The following KCNIP4 variants were observed in gnomAD, a reference collection of about 807,000 sequenced individuals.
KCNIP4 encodes the protein potassium voltage-gated channel interacting protein 4, also known as Kv channel-interacting protein 4.
A neutral mutation model predicts 34.0 loss-of-function variants in KCNIP4; 12 were observed. The ratio of observed to expected loss-of-function variants is 0.35; its 90% CI spans 0.23 to 0.57. The LOEUF (loss-of-function observed/expected upper bound fraction) is 0.57. Ranked by LOEUF, KCNIP4 falls within the 20% of genes least tolerant of loss-of-function variation. The pLI, the probability that KCNIP4 is intolerant of heterozygous loss-of-function variation, is 0.83. For synonymous variants in KCNIP4, 124 were observed against 102.2 expected, an observed-to-expected ratio of 1.21 and a Z score of -1.29; for missense variants, 238 against 311.7, an observed-to-expected ratio of 0.76 and a Z score of 1.78.
At chr4:21,894,421 A>G (rs567288712) in intron 1 of KCNIP4, among the ~76,000 whole-genome samples, 102 of 152,294 alleles carry the variant, frequency 6.7e-4, no homozygotes, top group African/African-American at 2.4e-3. Flanking sequence ...AAACTTGCTT[A>G]TAGTTAATTA....
chr4:21,366,121 A>G (rs1204372483), intron 1 of KCNIP4, among the ~76,000 whole-genome samples: 3 of 152,138 alleles, frequency 2.0e-5, no homozygotes, highest in African/African-American at 7.2e-5. Flanking sequence ...ACGTAGTGAC[A>G]ATTTCTCCTA....
intron 1 of KCNIP4, among the ~76,000 whole-genome samples, chr4:21,359,650 C>T (rs183645526): frequency 6.6e-6 from 1 of 152,130 alleles, no homozygotes; most frequent in African/African-American, 2.4e-5. Context: ...TAAGGTAGTT[C>T]CATTCTCTTA....
intron 1 of KCNIP4, among the ~76,000 whole-genome samples, chr4:20,915,185 G>C (rs1198719990): frequency 6.6e-6 from 1 of 152,038 alleles, no homozygotes; most frequent in Non-Finnish European, 1.5e-5. Flanking sequence ...TTTCTCTTAC[G>C]TACTCCAGGA....
At chr4:21,778,222 TCC>T (rs1560707619) in intron 1 of KCNIP4, among the ~76,000 whole-genome samples, 4 of 132,124 alleles carry the variant, frequency 3.0e-5, no homozygotes, top group Non-Finnish European at 4.6e-5. Flanking sequence ...TTTCCTTTTT[TCC>T]TTTTTTTTTT....
chr4:21,058,546 T>C lies in KCNIP4; in HGVS notation c.62-175837A>G, dbSNP rs546025480. On this transcript the variant is annotated intron_variant, in intron 1 of 8. Transcript: ENST00000382152. ...TTCACCTGTAAAATGGGGATAATTA[T>C]GGTCCCTAAATCATAGACACTGGAG... Among the ~76,000 whole-genome samples, 102 of 152,240 alleles carry C rather than the reference T, an allele frequency of 6.7e-4. 1 individual carries two copies. Among genetic ancestry groups the C allele is most frequent in the African/African-American group, 2.3e-3 (96 of 41,538 alleles).
chr4:21,625,931 A>G (rs1292954985), intron 1 of KCNIP4, among the ~76,000 whole-genome samples: 1 of 152,180 alleles, frequency 6.6e-6, no homozygotes, highest in Non-Finnish European at 1.5e-5. Flanking sequence ...TGGTTTAGAC[A>G]GCAAAAGCCT....
chr4:21,457,850 A>C (rs1252017366), intron 1 of KCNIP4, among the ~76,000 whole-genome samples: 1 of 152,052 alleles, frequency 6.6e-6, no homozygotes, highest in Non-Finnish European at 1.5e-5. Flanking sequence ...CATTCTCTGA[A>C]CCACATATAG....
intron 3 of KCNIP4, among the ~76,000 whole-genome samples, chr4:20,790,126 C>A (rs904899197): frequency 6.6e-6 from 1 of 152,104 alleles, no homozygotes; most frequent in Non-Finnish European, 1.5e-5. Context: ...ACTTGTACTG[C>A]ATGTAACTGT....
chr4:21,692,722 T>G (rs987545463), intron 1 of KCNIP4, among the ~76,000 whole-genome samples: 5 of 151,034 alleles, frequency 3.3e-5, no homozygotes, highest in African/African-American at 9.7e-5. Context: ...AAAAAATAAA[T>G]CAGCAATAGC....
chr4:21,099,849 G>A (rs1398729299), intron 1 of KCNIP4, among the ~76,000 whole-genome samples: 2 of 152,058 alleles, frequency 1.3e-5, no homozygotes, highest in African/African-American at 2.4e-5. Flanking sequence ...ACTTTGAAGG[G>A]TTCAATAGTT....
intron 1 of KCNIP4, among the ~76,000 whole-genome samples, chr4:21,912,302 G>T (rs1411234569): frequency 6.6e-6 from 1 of 152,156 alleles, no homozygotes; most frequent in Non-Finnish European, 1.5e-5. Flanking sequence ...TCTGACTGAT[G>T]TTTTTAGCAG....
At chr4:21,049,014 G>C (rs1183432980) in intron 1 of KCNIP4, among the ~76,000 whole-genome samples, 1 of 141,992 alleles carries the variant, frequency 7.0e-6, no homozygotes, top group East Asian at 2.1e-4. Context: ...GCAGTGGCGC[G>C]ATCTCGGCTC....
chr4:21,418,221 C>A (rs1049384315), intron 1 of KCNIP4, among the ~76,000 whole-genome samples: 4 of 152,172 alleles, frequency 2.6e-5, no homozygotes, highest in Non-Finnish European at 5.9e-5. Context: ...GATCATGGAT[C>A]AGACTATTTA....
intron 1 of KCNIP4, among the ~76,000 whole-genome samples, chr4:21,079,988 A>C (rs1484835021): frequency 6.6e-6 from 1 of 151,908 alleles, no homozygotes; most frequent in Non-Finnish European, 1.5e-5. Context: ...AACCCATTTC[A>C]TATTTCTGAA....
intron 1 of KCNIP4, among the ~76,000 whole-genome samples, chr4:20,999,375 T>C (rs1203938753): frequency 6.6e-6 from 1 of 151,010 alleles, no homozygotes; most frequent in Non-Finnish European, 1.5e-5. Flanking sequence ...ACGAAGGGTC[T>C]TTAGAGCACC....
At chr4:21,190,853 T>G (rs73109405) in intron 1 of KCNIP4, among the ~76,000 whole-genome samples, 18,458 of 152,128 alleles carry the variant, frequency 0.12, 3,604 homozygotes, top group African/African-American at 0.41. Context: ...TCTGACACTC[T>G]GCTCCCAGCT....
intron 3 of KCNIP4, among the ~76,000 whole-genome samples, chr4:20,794,180 G>A (rs1289676170): frequency 6.6e-6 from 1 of 152,114 alleles, no homozygotes; most frequent in Non-Finnish European, 1.5e-5. Flanking sequence ...CCAGTCTCGG[G>A]TATATCTTTA....
chr4:21,151,622 A>G (rs766243121), intron 1 of KCNIP4, among the ~76,000 whole-genome samples: 1 of 151,972 alleles, frequency 6.6e-6, no homozygotes, highest in African/African-American at 2.4e-5. Flanking sequence ...GAGCCCATCT[A>G]AAACAAATTA....
chr4:20,795,988 A>G (rs1480022524), intron 3 of KCNIP4, among the ~76,000 whole-genome samples: 2 of 152,212 alleles, frequency 1.3e-5, no homozygotes, highest in African/African-American at 4.8e-5. Context: ...TATAATTGAT[A>G]TACCCTCATG....
Sources: allele counts gnomAD v4.1 joint callset (sites outside exome capture counted in the v4.1 genomes callset), GRCh38; gene constraint gnomAD v4.1.1; transcripts MANE v1.5; gene names NCBI Gene and HGNC (gene_info 2026-07-23, HGNC 2026-07-21).